ATP7A: variants seen among roughly 807,000 people sequenced by gnomAD.
ATP7A encodes the protein ATPase copper transporting alpha, also known as copper-transporting ATPase 1.
A neutral mutation model predicts 83.5 loss-of-function variants in ATP7A; 7 were observed. The observed-to-expected ratio is 0.08, with a 90% CI of 0.05 to 0.16. ATP7A has a LOEUF of 0.16. ATP7A is among the 10% of genes least tolerant of loss of function. ATP7A has a pLI of 1.00. For synonymous variants in ATP7A, 354 were observed against 395.2 expected (o/e 0.90, Z 1.24); for missense variants, 940 against 1,120.8 (o/e 0.84, Z 2.30).
rs782188201 is a variant in ATP7A at position 78,042,798 on chromosome X, A to G, written c.4005+10A>G. 1.7e-6 allele frequency: 2 copies of G among 1,207,651 alleles called. No individual in the cohort carries two copies. Among genetic ancestry groups the G allele is most frequent in the East Asian group, 5.9e-5 (2 of 33,789 alleles). On this transcript the variant is annotated intron_variant, in intron 20 of 22. Coordinates refer to ENST00000341514, the MANE Select transcript of ATP7A (RefSeq NM_000052.7). Reference sequence around the variant, plus strand: ...TGTGGTTTTGATAAGGGTAAGTGCCATGGCTTGACCTTTGAGGAGTATGAG... The same window carrying G: ...TGTGGTTTTGATAAGGGTAAGTGCCGTGGCTTGACCTTTGAGGAGTATGAG...
intron 18 of ATP7A, among the ~76,000 whole-genome samples, chrX:78,039,436 G>A (rs890694951): frequency 9.9e-5 from 11 of 110,951 alleles, no homozygotes; most frequent in African/African-American, 1.6e-4. Flanking sequence ...GGGTTCAAGC[G>A]ATTCTCCTGC....
chrX:77,926,063 T>A (rs1323802231), intron 1 of ATP7A, among the ~76,000 whole-genome samples: 3 of 110,989 alleles, frequency 2.7e-5, no homozygotes, highest in African/African-American at 9.9e-5. Flanking sequence ...GGGAATCTCA[T>A]GAAACTGAGC....
chrX:77,990,178 CAATA>C (rs1557231955), intron 4 of ATP7A, among the ~76,000 whole-genome samples: 1 of 111,047 alleles, frequency 9.0e-6, no homozygotes, highest in African/African-American at 3.3e-5. Flanking sequence ...CGTGGTGCAA[CAATA>C]AATAACTCAT....
chrX:77,985,462 C>T (rs2077630524), intron 2 of ATP7A, among the ~76,000 whole-genome samples: 1 of 110,535 alleles, frequency 9.0e-6, no homozygotes, highest in Non-Finnish European at 1.9e-5. Context: ...GGCAAGAATC[C>T]TTTACGTTGG....
intron 1 of ATP7A, among the ~76,000 whole-genome samples, chrX:77,927,592 C>T (rs1196363064): frequency 9.0e-6 from 1 of 111,563 alleles, no homozygotes; most frequent in African/African-American, 3.3e-5. Flanking sequence ...CCTTTCCTCC[C>T]CTTTGAATAT....
At chrX:77,970,604 G>C (rs1397013353) in intron 1 of ATP7A, among the ~76,000 whole-genome samples, 1 of 111,727 alleles carries the variant, frequency 9.0e-6, no homozygotes, top group African/African-American at 3.3e-5. Context: ...CCCGGGAGGC[G>C]GAAGTTGCAG....
chrX:78,028,841 G>A, intron 14 of ATP7A, among the ~76,000 whole-genome samples: 1 of 112,490 alleles, frequency 8.9e-6, no homozygotes, highest in Non-Finnish European at 1.9e-5. Flanking sequence ...CCCTTTGCAT[G>A]CCATGTGATT....
chrX:77,925,944 T>C (rs1002743585), intron 1 of ATP7A, among the ~76,000 whole-genome samples: 2 of 104,824 alleles, frequency 1.9e-5, no homozygotes, highest in African/African-American at 7.0e-5. Flanking sequence ...CGCCATAAAG[T>C]GATCTCAGCA....
chrX:77,912,651 T>G (rs1557222041), intron 1 of ATP7A, among the ~76,000 whole-genome samples: 1 of 112,302 alleles, frequency 8.9e-6, no homozygotes, highest in African/African-American at 3.2e-5. Context: ...AGAAAAAATG[T>G]AAAACTCGCT....
chrX:77,939,911 T>C (rs2030745572), intron 1 of ATP7A, among the ~76,000 whole-genome samples: 1 of 107,861 alleles, frequency 9.3e-6, no homozygotes, highest in Non-Finnish European at 1.9e-5. Flanking sequence ...AAAAAAATAC[T>C]AAGGAATAAA....
chrX:78,039,371 T>C (rs1557238078), intron 18 of ATP7A, among the ~76,000 whole-genome samples: 4 of 111,606 alleles, frequency 3.6e-5, no homozygotes. Context: ...TTCTCTCTTG[T>C]TGCCCAAACT....
At chrX:77,988,852 T>C (rs781888959) in intron 3 of ATP7A, 121 bp downstream of exon 3, 6 of 884,798 alleles carry the variant, frequency 6.8e-6, no homozygotes, top group East Asian at 3.1e-5. Context: ...TGCTGTATCA[T>C]TGAGGTACAG....
At chrX:77,995,567 C>CAAAA (rs1232051931) in intron 4 of ATP7A, among the ~76,000 whole-genome samples, 1 of 35,003 alleles carries the variant, frequency 2.9e-5, no homozygotes, top group Non-Finnish European at 4.9e-5. Flanking sequence ...GACTCCATCT[C>CAAAA]AAAAAAAAAA....
Position 78,040,580 on chromosome X carries a change from C to A in ATP7A, c.3659-11C>A. The A allele has an allele frequency of 8.3e-7, 1 of 1,208,945 alleles. No individual in the cohort carries two copies. The highest frequency in any genetic ancestry group is 3.0e-5 in the East Asian group (1 of 33,824). On this transcript the variant is annotated splice_polypyrimidine_tract_variant and intron_variant, in intron 18 of 22. Transcript: ENST00000341514. ...TCCAAGTTCTTTTATTTTGTGCTGC[C>A]CCTATATTAGATGAGCTGTGTGGCT...
At chrX:77,983,165 GA>G (rs1400478044) in intron 2 of ATP7A, among the ~76,000 whole-genome samples, 1 of 111,907 alleles carries the variant, frequency 8.9e-6, no homozygotes, top group Non-Finnish European at 1.9e-5. Flanking sequence ...TTCAGCACAT[GA>G]ATTTTTGAGG....
chrX:78,012,825 T>G, intron 9 of ATP7A, 54 bp from the exon 10 acceptor site: 1 of 992,980 alleles, frequency 1.0e-6, no homozygotes, highest in African/African-American at 1.9e-5. Context: ...TTGAGATATA[T>G]ATGTGAATTT....
chrX:77,914,327 T>C (rs1400181984), intron 1 of ATP7A, among the ~76,000 whole-genome samples: 1 of 111,023 alleles, frequency 9.0e-6, no homozygotes. Context: ...CATAACTCAC[T>C]GCAGTCTCGA....
chrX:77,995,352 G>A (rs2077695972), intron 4 of ATP7A, among the ~76,000 whole-genome samples: 1 of 110,454 alleles, frequency 9.1e-6, no homozygotes, highest in South Asian at 3.9e-4. Context: ...ATCACCTGAG[G>A]TCAGGAGTTC....
chrX:77,979,033 TG>T (rs2077591229), intron 2 of ATP7A, among the ~76,000 whole-genome samples: 1 of 110,687 alleles, frequency 9.0e-6, no homozygotes, highest in Non-Finnish European at 1.9e-5. Context: ...GGTTTCACCA[TG>T]TTGGCCAGGC....
Sources: allele counts gnomAD v4.1 joint callset (sites outside exome capture counted in the v4.1 genomes callset), GRCh38; gene constraint gnomAD v4.1.1; transcripts MANE v1.5; gene names NCBI Gene and HGNC (gene_info 2026-07-23, HGNC 2026-07-21).